BCAT1: variants seen among roughly 807,000 people sequenced by gnomAD.
The protein encoded by BCAT1 is branched-chain-amino-acid aminotransferase, cytosolic.
A neutral mutation model predicts 52.4 loss-of-function variants in BCAT1; 48 were observed. The ratio of observed to expected loss-of-function variants is 0.92; its 90% CI spans 0.73 to 1.16. BCAT1 has a LOEUF of 1.16. Among genes scored for constraint, BCAT1 ranks in the 50% most tolerant of loss-of-function variants. The pLI, the probability that BCAT1 is intolerant of heterozygous loss-of-function variation, is 0.00. For missense variants in BCAT1, 451 were observed against 457.1 expected, an observed-to-expected ratio of 0.99 and a Z score of 0.12; for synonymous variants, 167 against 161.3, an observed-to-expected ratio of 1.04 and a Z score of -0.27.
At chr12:24,856,539 A>G (rs892592532) in intron 5 of BCAT1, among the ~76,000 whole-genome samples, 1 of 151,186 alleles carries the variant, frequency 6.6e-6, no homozygotes, top group African/African-American at 2.4e-5. Flanking sequence ...GAAGAGGAAA[A>G]GACACCAGAG....
chr12:24,865,612 T>C (rs1941983539), intron 5 of BCAT1, among the ~76,000 whole-genome samples: 1 of 32,644 alleles, frequency 3.1e-5, no homozygotes. Context: ...ATTGGCTGTG[T>C]GTGTGTATGT....
At chr12:24,902,657 C>A in intron 1 of BCAT1, 1 of 501,902 alleles carries the variant, frequency 2.0e-6, no homozygotes, top group Non-Finnish European at 3.4e-6. Context: ...GAGTCCATAG[C>A]TACCCTCACG....
intron 2 of BCAT1, among the ~76,000 whole-genome samples, chr12:24,895,801 A>T (rs983556102): frequency 1.4e-4 from 22 of 152,306 alleles, no homozygotes; most frequent in Non-Finnish European, 2.9e-5. Context: ...GAGTCATTTG[A>T]TATATTATGA....
At chr12:24,829,762 T>G in intron 10 of BCAT1, 61 bp downstream of exon 10, 1 of 1,322,072 alleles carries the variant, frequency 7.6e-7, no homozygotes. Context: ...CTGACAGAAA[T>G]AAGGTGACAT....
intron 5 of BCAT1, among the ~76,000 whole-genome samples, chr12:24,863,258 T>A (rs1034993890): frequency 6.6e-6 from 1 of 152,216 alleles, no homozygotes; most frequent in African/African-American, 2.4e-5. Context: ...AGGGTTAATA[T>A]AAGGATTACA....
chr12:24,915,772 C>T (rs1403048068), intron 1 of BCAT1, among the ~76,000 whole-genome samples: 2 of 152,082 alleles, frequency 1.3e-5, no homozygotes, highest in South Asian at 2.1e-4. Flanking sequence ...ATAAAACAGA[C>T]GATATTTAAA....
intron 5 of BCAT1, among the ~76,000 whole-genome samples, chr12:24,852,965 A>T (rs756881253): frequency 2.6e-5 from 4 of 152,198 alleles, no homozygotes; most frequent in Non-Finnish European, 4.4e-5. Flanking sequence ...AATGAATAAG[A>T]TCTAACACTA....
chr12:24,820,452 A>G (rs3926539), intron 10 of BCAT1, among the ~76,000 whole-genome samples: 111,585 of 152,122 alleles, frequency 0.73, 41,039 homozygotes, highest in East Asian at 0.87. Flanking sequence ...CCTTAAGAGT[A>G]AGTAAGTATA....
At chr12:24,821,405 T>A (rs1456972869) in intron 10 of BCAT1, among the ~76,000 whole-genome samples, 1 of 152,170 alleles carries the variant, frequency 6.6e-6, no homozygotes, top group Non-Finnish European at 1.5e-5. Context: ...GCAATGCTGA[T>A]TATTCACACA....
chr12:24,847,545 A>T (rs1941382710), intron 6 of BCAT1, among the ~76,000 whole-genome samples: 1 of 152,194 alleles, frequency 6.6e-6, no homozygotes, highest in African/African-American at 2.4e-5. Context: ...CAAGGAAAAA[A>T]GAAAAAACTA....
At chr12:24,834,761 T>C in intron 8 of BCAT1, 1 of 1,151,238 alleles carries the variant, frequency 8.7e-7, no homozygotes. Flanking sequence ...GTAAATGAAC[T>C]GCAGAAAATC....
intron 5 of BCAT1, among the ~76,000 whole-genome samples, chr12:24,866,777 C>A (rs968474101): frequency 6.6e-6 from 1 of 152,092 alleles, no homozygotes; most frequent in Non-Finnish European, 1.5e-5. Flanking sequence ...ATTGTAAATG[C>A]ACCAATCAGC....
chr12:24,843,512 A>G (rs1457940724), intron 6 of BCAT1, among the ~76,000 whole-genome samples: 2 of 152,096 alleles, frequency 1.3e-5, no homozygotes, highest in Non-Finnish European at 2.9e-5. Flanking sequence ...CTGAGGGAGG[A>G]GAATCATCTT....
At chr12:24,844,423 T>C (rs183825441) in intron 6 of BCAT1, among the ~76,000 whole-genome samples, 3 of 151,746 alleles carry the variant, frequency 2.0e-5, no homozygotes, top group African/African-American at 7.3e-5. Flanking sequence ...AAGAGCAAAA[T>C]TCCGTCTCAA....
intron 1 of BCAT1, among the ~76,000 whole-genome samples, chr12:24,926,303 C>T (rs182430373): frequency 8.1e-4 from 123 of 152,108 alleles, no homozygotes; most frequent in African/African-American, 2.8e-3. Flanking sequence ...GTAAAGAGCC[C>T]CTCCGCCCAG....
In BCAT1 at chr12:24,814,043, T is replaced by C. The variant is rs1435432031; in HGVS notation, c.*3965A>G. The C allele has an allele frequency of 6.6e-6, 1 of 152,262 alleles. No homozygotes were observed. The highest frequency in any genetic ancestry group is 1.9e-4 in the East Asian group (1 of 5,188). 9.4% of individuals were successfully genotyped at this position (152,262 alleles called of 1,614,324 possible). On this transcript the variant is annotated 3_prime_UTR_variant, in exon 11 of 11. Transcript: ENST00000261192. Reference sequence around the variant, plus strand: ...TGCTCATTGAAAAGCTGGTACCCTTTGCCTCCTTTTGTGGGGAGATATCTG... The same window carrying C: ...TGCTCATTGAAAAGCTGGTACCCTTCGCCTCCTTTTGTGGGGAGATATCTG...
rs55794081 is a variant in BCAT1 at position 24,832,261 on chromosome 12, C to T, written c.1044+462G>A. On this transcript the variant is annotated intron_variant, in intron 9 of 10. Transcript: ENST00000261192. ...ACATGTAGGTAAGACAGATCTTACA[C>T]GTGTCCAAGGACAAAACTAACTTCC... is the stretch of plus-strand genomic sequence containing the variant. 4.4e-3 allele frequency among the ~76,000 whole-genome samples: 666 copies of T among 152,276 alleles called. 5 individuals carry two copies. The highest frequency in any genetic ancestry group is 0.015 in the African/African-American group (642 of 41,540).
chr12:24,894,391 C>T lies in BCAT1; in HGVS notation c.163G>A (p.Asp55Asn). Residue 55 changes from aspartate to asparagine, a missense_variant, in exon 3 of 11, where the codon GAT (aspartate) becomes AAT (asparagine). Physicochemically the swap from Asp to Asn is conservative, Grantham distance 23 (BLOSUM62 1). Coordinates refer to ENST00000261192, the MANE Select transcript of BCAT1 (RefSeq NM_005504.7). Reference protein sequence around the residue: ...NNLVFGTVFTDHMLTVEWSSE... With the variant: ...NNLVFGTVFTNHMLTVEWSSE... ...GACCACTCCACCGTCAGCATATGAT[C>T]CGTGAACACAGTTCCAAAAACCAGA... 6.2e-7 allele frequency: 1 copy of T among 1,613,610 alleles called. No homozygotes were observed. Among genetic ancestry groups the T allele is most frequent in the East Asian group, 2.2e-5 (1 of 44,890 alleles).
intron 1 of BCAT1, among the ~76,000 whole-genome samples, chr12:24,944,291 A>T (rs892982771): frequency 6.6e-6 from 1 of 152,218 alleles, no homozygotes; most frequent in African/African-American, 2.4e-5. Context: ...TCAAAACAAT[A>T]TAACTTGGTA....
Sources: allele counts gnomAD v4.1 joint callset (sites outside exome capture counted in the v4.1 genomes callset), GRCh38; gene constraint gnomAD v4.1.1; transcripts MANE v1.5; gene names NCBI Gene and HGNC (gene_info 2026-07-23, HGNC 2026-07-21).